The following ZNF407 variants were observed in gnomAD, a reference collection of about 807,000 sequenced individuals.
ZNF407 encodes the protein zinc finger protein 407.
ZNF407 carries 17 observed loss-of-function variants against 131.2 expected under a neutral mutation model. That is an observed-to-expected ratio of 0.13 (90% CI 0.09 to 0.19). The LOEUF (loss-of-function observed/expected upper bound fraction) is 0.19, where lower values mean the gene tolerates loss of function less well. Ranked by LOEUF, ZNF407 falls within the 10% of genes least tolerant of loss-of-function variation. ZNF407 has a pLI of 1.00. For synonymous variants in ZNF407, 1,156 were observed against 1,062.0 expected, an observed-to-expected ratio of 1.09 and a Z score of -1.72; for missense variants, 2,681 against 2,830.6, an observed-to-expected ratio of 0.95 and a Z score of 1.20.
intron 4 of ZNF407, among the ~76,000 whole-genome samples, chr18:74,848,207 G>T (rs1970729010): frequency 6.6e-6 from 1 of 152,144 alleles, no homozygotes; most frequent in Admixed American, 6.5e-5. Context: ...ATAATGATAT[G>T]AATTGAGAAA....
chr18:74,883,609 G>C (rs1382269560), intron 6 of ZNF407, among the ~76,000 whole-genome samples: 1 of 152,172 alleles, frequency 6.6e-6, no homozygotes, highest in East Asian at 1.9e-4. Context: ...CACAGGAGAA[G>C]ATCCTCACGT....
At chr18:74,661,420 A>G (rs1171033725) in intron 3 of ZNF407, among the ~76,000 whole-genome samples, 1 of 148,906 alleles carries the variant, frequency 6.7e-6, no homozygotes, top group Non-Finnish European at 1.5e-5. Flanking sequence ...CATTTTATAT[A>G]TATGTTATTT....
At chr18:74,637,946 A>G (rs1213487470) in intron 2 of ZNF407, among the ~76,000 whole-genome samples, 1 of 152,214 alleles carries the variant, frequency 6.6e-6, no homozygotes, top group African/African-American at 2.4e-5. Flanking sequence ...CTACGAAGTA[A>G]TCAACATGAC....
chr18:74,888,673 T>C (rs1287505912), intron 6 of ZNF407, among the ~76,000 whole-genome samples: 1 of 152,190 alleles, frequency 6.6e-6, no homozygotes, highest in East Asian at 1.9e-4. Flanking sequence ...AAATTTACAT[T>C]AATTAAAATT....
chr18:74,764,832 C>T (rs146639717), intron 3 of ZNF407, among the ~76,000 whole-genome samples: 2 of 152,266 alleles, frequency 1.3e-5, no homozygotes, highest in Non-Finnish European at 2.9e-5. Flanking sequence ...GTATATATTA[C>T]TCTATTCTTT....
chr18:74,905,154 A>T (rs1407222184), intron 7 of ZNF407: 3 of 152,226 alleles, frequency 2.0e-5, no homozygotes, highest in African/African-American at 4.8e-5. Context: ...GCTTGTTTTT[A>T]TGTAGTACCT....
intron 4 of ZNF407, among the ~76,000 whole-genome samples, chr18:74,859,584 A>C (rs908904666): frequency 6.6e-6 from 1 of 152,220 alleles, no homozygotes; most frequent in Non-Finnish European, 1.5e-5. Flanking sequence ...AAATCTTTTC[A>C]TGAGAAAGTA....
intron 1 of ZNF407, among the ~76,000 whole-genome samples, chr18:74,622,929 AATGT>A (rs753404881): frequency 1.3e-5 from 2 of 150,952 alleles, no homozygotes; most frequent in East Asian, 2.0e-4. Flanking sequence ...AGTATCTGTG[AATGT>A]GTGTGTATAT....
At chr18:74,639,877 ATTT>A (rs1051373947) in intron 2 of ZNF407, among the ~76,000 whole-genome samples, 15 of 147,364 alleles carry the variant, frequency 1.0e-4, no homozygotes, top group Admixed American at 2.7e-4. Flanking sequence ...TTCTTGGAGG[ATTT>A]TTTTTTTTAC....
At chr18:74,856,753 A>G (rs1470205798) in intron 4 of ZNF407, among the ~76,000 whole-genome samples, 2 of 152,248 alleles carry the variant, frequency 1.3e-5, no homozygotes, top group African/African-American at 4.8e-5. Flanking sequence ...AAGTTTGAAC[A>G]ATGTAATTTA....
chr18:74,722,145 C>T (rs1379659058), intron 3 of ZNF407, among the ~76,000 whole-genome samples: 1 of 151,162 alleles, frequency 6.6e-6, no homozygotes, highest in Non-Finnish European at 1.5e-5. Context: ...GAACTTTTAT[C>T]TGTAGATTAC....
At chr18:74,644,344 G>A (rs991478644) in intron 3 of ZNF407, among the ~76,000 whole-genome samples, 1 of 151,640 alleles carries the variant, frequency 6.6e-6, no homozygotes, top group Non-Finnish European at 1.5e-5. Context: ...TAGTGAGAGA[G>A]AAAGTAAGAA....
chr18:74,998,764 T>A (rs2122153464), intron 8 of ZNF407, among the ~76,000 whole-genome samples: 1 of 103,970 alleles, frequency 9.6e-6, no homozygotes, highest in African/African-American at 4.0e-5. Context: ...TGTAAACTAG[T>A]TCAACCATTG....
chr18:75,059,057 G>T (rs990656130), intron 8 of ZNF407, among the ~76,000 whole-genome samples: 1 of 152,182 alleles, frequency 6.6e-6, no homozygotes, highest in Admixed American at 6.5e-5. Context: ...GGGCCTGTGC[G>T]TGTGCGGAGG....
chr18:74,741,894 TG>T (rs1968559752), intron 3 of ZNF407, among the ~76,000 whole-genome samples: 2 of 152,292 alleles, frequency 1.3e-5, no homozygotes, highest in South Asian at 4.1e-4. Flanking sequence ...TACAATTATT[TG>T]CTACTATAGG....
At chr18:75,052,136 G>A (rs920732660) in intron 8 of ZNF407, among the ~76,000 whole-genome samples, 30 of 152,290 alleles carry the variant, frequency 2.0e-4, no homozygotes, top group South Asian at 8.3e-4. Flanking sequence ...CCACGAAGGC[G>A]TGTGCTTGGG....
At chr18:74,931,874 T>A (rs944088483) in intron 8 of ZNF407, among the ~76,000 whole-genome samples, 13 of 152,240 alleles carry the variant, frequency 8.5e-5, no homozygotes, top group African/African-American at 2.4e-4. Flanking sequence ...ACAATATTTT[T>A]CCCCTTTTTT....
At chr18:74,686,948 G>A (rs759883758) in intron 3 of ZNF407, among the ~76,000 whole-genome samples, 17 of 152,276 alleles carry the variant, frequency 1.1e-4, no homozygotes, top group South Asian at 2.1e-4. Context: ...TTAGGTACCC[G>A]TACTTTTCTA....
In ZNF407 at chr18:74,803,982, A is replaced by G. The variant is rs751101923; in HGVS notation, c.4877+22480A>G. On this transcript the variant is annotated intron_variant, in intron 4 of 8. Coordinates refer to ENST00000299687, the MANE Select transcript of ZNF407 (RefSeq NM_017757.3). ...GCTTCAGAGTAAAGGTTGCATATCGAAAGATCGGGACGTTGCCAGGAATAC... is the reference window on the plus strand; with the variant it reads ...GCTTCAGAGTAAAGGTTGCATATCGGAAGATCGGGACGTTGCCAGGAATAC... 5 of 1,551,674 alleles carry G rather than the reference A, an allele frequency of 3.2e-6. No individual in the cohort carries two copies. The Admixed American group carries it at 5.9e-5, about 18-fold the overall frequency.
Sources: allele counts gnomAD v4.1 joint callset (sites outside exome capture counted in the v4.1 genomes callset), GRCh38; gene constraint gnomAD v4.1.1; transcripts MANE v1.5; gene names NCBI Gene and HGNC (gene_info 2026-07-23, HGNC 2026-07-21).